Variants in SMYD3 observed in about 807,000 individuals in gnomAD.
SMYD3 encodes the protein histone-lysine N-methyltransferase SMYD3.
Under a neutral mutation model 57.7 loss-of-function variants are expected in SMYD3, and 36 were observed. The observed-to-expected ratio is 0.62, with a 90% CI of 0.48 to 0.82. The LOEUF is 0.82. Among genes scored for constraint, SMYD3 ranks in the 40% least tolerant of loss-of-function variants. SMYD3 has a pLI of 0.00. For synonymous variants in SMYD3, 211 were observed against 195.0 expected, an observed-to-expected ratio of 1.08 and a Z score of -0.68; for missense variants, 515 against 538.8, an observed-to-expected ratio of 0.96 and a Z score of 0.44.
At chr1:245,960,546 AC>A (rs1207098219) in intron 5 of SMYD3, among the ~76,000 whole-genome samples, 1 of 151,744 alleles carries the variant, frequency 6.6e-6, no homozygotes, top group Non-Finnish European at 1.5e-5. Context: ...ACATGGGAAA[AC>A]CCCCATCTCT....
At chr1:245,806,817 G>A (rs2048182183) in intron 10 of SMYD3, among the ~76,000 whole-genome samples, 1 of 149,674 alleles carries the variant, frequency 6.7e-6, no homozygotes, top group South Asian at 2.1e-4. Context: ...GGCTGAGGCA[G>A]GAGAATGGCG....
Position 246,149,920 on chromosome 1 carries a change from C to A in SMYD3, c.531+177281G>T, listed in dbSNP as rs187705515. ...CCTCTGTCTGCCATTTAACCCATGT[C>A]CTAAGAAATTTATGATTCTACACAT... is the stretch of plus-strand genomic sequence containing the variant. On this transcript the variant is annotated intron_variant, in intron 5 of 11. Transcript: ENST00000490107. Among the ~76,000 whole-genome samples, 7 of 152,298 alleles carry A rather than the reference C, an allele frequency of 4.6e-5. No homozygotes were observed. In the East Asian group the frequency reaches 1.4e-3, roughly 29 times the overall value.
intron 10 of SMYD3, among the ~76,000 whole-genome samples, chr1:245,795,429 C>T (rs935623291): frequency 6.6e-6 from 1 of 152,216 alleles, no homozygotes; most frequent in African/African-American, 2.4e-5. Flanking sequence ...TATCTAGTCC[C>T]TGTTACATTC....
intron 5 of SMYD3, among the ~76,000 whole-genome samples, chr1:246,306,711 C>T (rs1054307985): frequency 2.2e-4 from 34 of 152,192 alleles, no homozygotes; most frequent in Non-Finnish European, 4.0e-4. Flanking sequence ...GAAGCAAACT[C>T]GCTCAGATAA....
At chr1:245,883,834 G>A (rs1459170714) in intron 8 of SMYD3, among the ~76,000 whole-genome samples, 3 of 152,160 alleles carry the variant, frequency 2.0e-5, no homozygotes, top group Non-Finnish European at 4.4e-5. Flanking sequence ...TACATAGTAG[G>A]TATTTAGTAA....
intron 5 of SMYD3, among the ~76,000 whole-genome samples, chr1:246,188,676 T>G (rs2062684438): frequency 6.6e-6 from 1 of 152,070 alleles, no homozygotes; most frequent in Non-Finnish European, 1.5e-5. Context: ...TTAAGAGGTC[T>G]GGGGCCAGGC....
rs181040384 is a variant in SMYD3, at chr1:246,499,401, T to C, written c.164+7653A>G. On this transcript the variant is annotated intron_variant, in intron 1 of 11. Coordinates refer to ENST00000490107, the MANE Select transcript of SMYD3 (RefSeq NM_001167740.2). The stretch of plus-strand genomic sequence containing the variant: ...TTTTAAGTAACCAAACCATCAAATA[T>C]ACACACACACACACACACACACACA... Among the ~76,000 whole-genome samples the C allele has an allele frequency of 9.4e-3, 1,373 of 145,850 alleles. 19 individuals carry two copies. The highest frequency in any genetic ancestry group is 0.029 in the African/African-American group (1,147 of 39,342).
intron 5 of SMYD3, among the ~76,000 whole-genome samples, chr1:246,291,208 T>C (rs1572344015): frequency 6.8e-6 from 1 of 148,038 alleles, no homozygotes; most frequent in South Asian, 2.2e-4. Flanking sequence ...CGTTCCCCTC[T>C]GGTTTCTTTC....
chr1:245,949,270 T>TG (rs1022992991), intron 5 of SMYD3, among the ~76,000 whole-genome samples: 3 of 152,052 alleles, frequency 2.0e-5, no homozygotes, highest in African/African-American at 7.2e-5. Context: ...TGGATGCCAG[T>TG]GTACACAGCC....
At chr1:246,301,021 T>C (rs1039676730) in intron 5 of SMYD3, among the ~76,000 whole-genome samples, 2 of 152,120 alleles carry the variant, frequency 1.3e-5, no homozygotes, top group African/African-American at 2.4e-5. Context: ...AGTTCAGCTT[T>C]GTAGAGATAG....
chr1:246,266,651 G>T (rs569110925), intron 5 of SMYD3, among the ~76,000 whole-genome samples: 3 of 152,214 alleles, frequency 2.0e-5, no homozygotes, highest in South Asian at 4.2e-4. Context: ...AATCAGCTGG[G>T]CATGGTGGTG....
chr1:246,369,121 T>C (rs1051802348), intron 1 of SMYD3, among the ~76,000 whole-genome samples: 5 of 152,114 alleles, frequency 3.3e-5, no homozygotes, highest in African/African-American at 9.7e-5. Context: ...GGCCCTGAGA[T>C]TTAAATGAAA....
intron 10 of SMYD3, among the ~76,000 whole-genome samples, chr1:245,783,154 G>A (rs1051461953): frequency 5.3e-5 from 8 of 152,106 alleles, no homozygotes; most frequent in African/African-American, 1.4e-4. Flanking sequence ...CATTGAATAC[G>A]GGCATAAGCA....
chr1:246,391,064 A>G (rs984538934), intron 1 of SMYD3, among the ~76,000 whole-genome samples: 3 of 152,122 alleles, frequency 2.0e-5, no homozygotes, highest in African/African-American at 7.2e-5. Context: ...TCACATCAAA[A>G]GGAAGAGACC....
intron 5 of SMYD3, among the ~76,000 whole-genome samples, chr1:246,031,127 T>C (rs879820336): frequency 6.6e-6 from 1 of 152,196 alleles, no homozygotes; most frequent in Non-Finnish European, 1.5e-5. Context: ...GGCTATAGAC[T>C]AGACCTTTTA....
intron 1 of SMYD3, among the ~76,000 whole-genome samples, chr1:246,408,457 G>T (rs2066905213): frequency 6.6e-6 from 1 of 152,040 alleles, no homozygotes; most frequent in Non-Finnish European, 1.5e-5. Flanking sequence ...GAAAGAACTG[G>T]TCTACAGAAT....
chr1:245,958,042 C>A (rs2057900802), intron 5 of SMYD3, among the ~76,000 whole-genome samples: 1 of 152,002 alleles, frequency 6.6e-6, no homozygotes, highest in East Asian at 1.9e-4. Flanking sequence ...GGGGGAGAAA[C>A]AAGCGGGTTT....
chr1:245,985,116 C>T (rs2058676595), intron 5 of SMYD3, among the ~76,000 whole-genome samples: 1 of 152,070 alleles, frequency 6.6e-6, no homozygotes, highest in South Asian at 2.1e-4. Context: ...GATCTCCTAC[C>T]ACCTCCTTCA....
chr1:246,159,786 C>T (rs550574581), intron 5 of SMYD3, among the ~76,000 whole-genome samples: 28 of 151,962 alleles, frequency 1.8e-4, no homozygotes, highest in African/African-American at 5.8e-4. Flanking sequence ...TGGGAGCCAC[C>T]GGTACTGAGG....
Sources: allele counts gnomAD v4.1 joint callset (sites outside exome capture counted in the v4.1 genomes callset), GRCh38; gene constraint gnomAD v4.1.1; transcripts MANE v1.5; gene names NCBI Gene and HGNC (gene_info 2026-07-23, HGNC 2026-07-21).